Variants in UBAP1L observed in about 807,000 individuals in gnomAD.
UBAP1L encodes the protein ubiquitin-associated protein 1-like.
A neutral mutation model predicts 32.1 loss-of-function variants in UBAP1L; 32 were observed. The observed-to-expected ratio is 1.00, with a 90% CI of 0.75 to 1.34. UBAP1L has a LOEUF of 1.34. Ranked by LOEUF, UBAP1L falls within the 40% of genes most tolerant of loss-of-function variation. The probability of loss-of-function intolerance (pLI) is 0.00; values close to 1 mark genes in which losing one functional copy is unlikely to be tolerated. For synonymous variants in UBAP1L, 243 were observed against 250.2 expected, an observed-to-expected ratio of 0.97 and a Z score of 0.27; for missense variants, 516 against 540.5, an observed-to-expected ratio of 0.95 and a Z score of 0.45.
chr15:65,102,007 G>A lies in UBAP1L; in HGVS notation c.699+99C>T, dbSNP rs1011913345. 36 of 436,324 alleles carry A rather than the reference G, an allele frequency of 8.3e-5. No homozygotes were observed. The highest frequency in any genetic ancestry group is 7.1e-4 in the African/African-American group (34 of 47,736). 27.0% of individuals were successfully genotyped at this position (436,324 alleles called of 1,614,324 possible). A position where few individuals can be genotyped will look rare whatever the true frequency, so the allele number is the denominator to read the frequency against. On this transcript the variant is annotated intron_variant, in intron 3 of 5. Transcript: ENST00000559089. This position sits in a 1 kb window ranked among gnomAD's most constrained non-coding sequence, Gnocchi z 5.0. ...AGGTCAAGGGAGGATGCAGGAGCGC[G>A]TGGAGTAGGGGACCGAGGCTGCGGG... is the stretch of plus-strand genomic sequence containing the variant.
intron 2 of UBAP1L, chr15:65,105,391 A>T (rs1387879822): frequency 3.5e-6 from 1 of 285,764 alleles, no homozygotes; most frequent in African/African-American, 2.2e-5. Flanking sequence ...AGGTGGGAGG[A>T]TCGCTTGAGC....
At position 65,106,145 on chromosome 15, in the gene UBAP1L, C is replaced by T; in HGVS notation, c.71G>A (p.Gly24Glu). The T allele has an allele frequency of 8.4e-6, 13 of 1,550,924 alleles. No individual in the cohort carries two copies. The highest frequency in any genetic ancestry group is 1.1e-5 in the Non-Finnish European group (13 of 1,146,792). Residue 24 changes from glycine (G) to glutamate (E), a missense_variant, in exon 2 of 6, where the codon GGG (glycine) becomes GAG (glutamate). Gly to Glu is a moderately conservative substitution (Grantham distance 98). Coordinates refer to ENST00000559089, the MANE Select transcript of UBAP1L (RefSeq NM_001163692.2). Reference sequence around the variant, plus strand: ...GCAGGCCGGGACGCTGAGTTCTGGCCCAGGGAGAGGCTCTGTGCCTATCAC... The same window carrying T: ...GCAGGCCGGGACGCTGAGTTCTGGCTCAGGGAGAGGCTCTGTGCCTATCAC... Reference protein sequence around the residue: ...GFVIGTEPLPGPELSVPACGE... With the variant: ...GFVIGTEPLPEPELSVPACGE...
intron 1 of UBAP1L, among the ~76,000 whole-genome samples, chr15:65,114,113 T>G (rs2087387067): frequency 6.6e-6 from 1 of 151,834 alleles, no homozygotes; most frequent in South Asian, 2.1e-4. Flanking sequence ...CTTGAACTCG[T>G]GACCTTGTGA....
chr15:65,113,149 T>C (rs1045484881), intron 1 of UBAP1L, among the ~76,000 whole-genome samples: 3 of 152,150 alleles, frequency 2.0e-5, no homozygotes, highest in Admixed American at 6.6e-5. Context: ...GGTGGGAGGA[T>C]TGCTGGAGCC....
At chr15:65,104,447 T>C (rs796457038) in intron 2 of UBAP1L, among the ~76,000 whole-genome samples, 1 of 152,100 alleles carries the variant, frequency 6.6e-6, no homozygotes, top group South Asian at 2.1e-4. Context: ...AGTTCAATAA[T>C]TAAAACTATG....
At chr15:65,093,593 G>A (rs2087141860) in intron 5 of UBAP1L, among the ~76,000 whole-genome samples, 1 of 152,330 alleles carries the variant, frequency 6.6e-6, no homozygotes, top group Admixed American at 6.5e-5. Flanking sequence ...CCTGAACACT[G>A]TGGAGGTATC....
At chr15:65,106,011 G>A in intron 2 of UBAP1L, 85 bp downstream of exon 2, 1 of 1,514,544 alleles carries the variant, frequency 6.6e-7, no homozygotes, top group Non-Finnish European at 8.9e-7. Context: ...AGGGCTAGCT[G>A]TCCTTTAAAT....
At position 65,106,384 on chromosome 15, in the gene UBAP1L, C is replaced by T; in HGVS notation, c.-169G>A. ...GCTGGAAAGGAAAAGGTGAGGGGGC[C>T]AGTGCTGCATAAAGGAAGGAAATGA... On this transcript the variant is annotated 5_prime_UTR_variant, in exon 2 of 6. Coordinates refer to ENST00000559089, the MANE Select transcript of UBAP1L (RefSeq NM_001163692.2). The T allele has an allele frequency of 3.0e-6, 2 of 655,990 alleles. No individual in the cohort carries two copies. Among genetic ancestry groups the T allele is most frequent in the Non-Finnish European group, 2.4e-6 (1 of 416,470 alleles). The allele number at this position is 655,990 out of a possible 1,614,324, so 40.6% of individuals were successfully genotyped here.
At chr15:65,114,016 A>G (rs1046398958) in intron 1 of UBAP1L, among the ~76,000 whole-genome samples, 2 of 151,876 alleles carry the variant, frequency 1.3e-5, no homozygotes, top group African/African-American at 4.8e-5. Flanking sequence ...CCTCCCGAGT[A>G]GCTGGGATTA....
At chr15:65,105,818 G>A in intron 2 of UBAP1L, 1 of 703,606 alleles carries the variant, frequency 1.4e-6, no homozygotes, top group Non-Finnish European at 2.6e-6. Context: ...TTGAGACGAA[G>A]TCTCACTCTG....
intron 4 of UBAP1L, chr15:65,097,952 G>A (rs933873881): frequency 2.0e-5 from 3 of 152,250 alleles, no homozygotes; most frequent in Non-Finnish European, 4.4e-5. Flanking sequence ...ATGGTGGTGG[G>A]GCAGGAACGG....
chr15:65,106,005 C>T, intron 2 of UBAP1L, 91 bp downstream of exon 2: 2 of 1,515,392 alleles, frequency 1.3e-6, no homozygotes, highest in Non-Finnish European at 1.8e-6. Context: ...TTGGCCAGGG[C>T]TAGCTGTCCT....
At chr15:65,095,464 C>T (rs1353036730) in intron 4 of UBAP1L, 1 of 152,284 alleles carries the variant, frequency 6.6e-6, no homozygotes, top group Non-Finnish European at 1.5e-5. Context: ...CAGTCTCATT[C>T]ACCACAGTGT....
At chr15:65,103,588 C>CA (rs1303419501) in intron 2 of UBAP1L, among the ~76,000 whole-genome samples, 1 of 152,196 alleles carries the variant, frequency 6.6e-6, no homozygotes, top group African/African-American at 2.4e-5. Context: ...CACAGACACT[C>CA]AGACACTTAG....
intron 4 of UBAP1L, chr15:65,098,205 CT>C (rs1294514163): frequency 6.6e-6 from 1 of 152,228 alleles, no homozygotes; most frequent in Non-Finnish European, 1.5e-5. Context: ...CCCCAATTCT[CT>C]TTTTCTCATC....
In UBAP1L at chr15:65,102,195, G is replaced by T; in HGVS notation, c.610C>A (p.Pro204Thr). The T allele has an allele frequency of 8.3e-7, 1 of 1,200,292 alleles. No homozygotes were observed. Among genetic ancestry groups the T allele is most frequent in the Non-Finnish European group, 1.0e-6 (1 of 967,778 alleles). The allele number at this position is 1,200,292 out of a possible 1,614,324, so 74.4% of individuals were successfully genotyped here. A position where few individuals can be genotyped will look rare whatever the true frequency, so the allele number is the denominator to read the frequency against. ...GACGCGGGGGCGGCGGGGTGCTGGG[G>T]CGCGGGCCCCGGGGGTGATGCAGAC... ...PRSASPPGPA[P>T]QHPAAPASPP... is the part of the protein sequence containing the mutation. Residue 204 changes from proline (P) to threonine (T), a missense_variant, in exon 3 of 6, where the codon CCC (proline) becomes ACC (threonine). Physicochemically the swap from Pro to Thr is conservative, Grantham distance 38. Transcript: ENST00000559089. The surrounding 1 kb of genome is among the most constrained non-coding windows in gnomAD (Gnocchi z 5.0).
rs1373002977 is a variant in UBAP1L, at chr15:65,102,640, G to A, written c.165C>T (p.Ala55=). ...LERTALFWVE[A]AGQGPSPYQC... ...GGTACGGGCTGGGTCCCTGGCCGGC[G>A]GCCTCCACCCAGAAGAGTGCCGTCC... The change falls in exon 3 of 6, where the codon GCC becomes GCT. Residue 55 remains alanine (A), a synonymous_variant. Transcript: ENST00000559089. This position sits in a 1 kb window ranked among gnomAD's most constrained non-coding sequence, Gnocchi z 5.0. 2 of 1,549,150 alleles carry A rather than the reference G, an allele frequency of 1.3e-6. No homozygotes were observed. The highest frequency in any genetic ancestry group is 1.4e-5 in the African/African-American group (1 of 73,120).
At chr15:65,099,750 C>T (rs770554995) in intron 3 of UBAP1L, 36 bp from the exon 4 acceptor site, 12 of 1,495,496 alleles carry the variant, frequency 8.0e-6, no homozygotes, top group East Asian at 2.5e-5. Context: ...TCAGTTACTA[C>T]AGGAAGTGAC....
Position 65,094,422 on chromosome 15 carries a change from G to A in UBAP1L, c.1011+53C>T. On this transcript the variant is annotated intron_variant, in intron 5 of 5. Coordinates refer to ENST00000559089, the MANE Select transcript of UBAP1L (RefSeq NM_001163692.2). The surrounding 1 kb of genome is among the most constrained non-coding windows in gnomAD (Gnocchi z 4.2). ...GTGGCCCTGCACACCGGGCTCCTGG[G>A]TACACCCCCATCCCTTCCATCCCCT... The A allele has an allele frequency of 7.3e-7, 1 of 1,376,650 alleles. No homozygotes were observed. The highest frequency in any genetic ancestry group is 1.3e-5 in the South Asian group (1 of 75,408). The allele number at this position is 1,376,650 out of a possible 1,614,324, so 85.3% of individuals were successfully genotyped here.
Sources: gnomAD v4.1 joint callset for allele counts (sites outside exome capture counted in the v4.1 genomes callset) on GRCh38, gnomAD v4.1.1 for gene constraint, Gnocchi (gnomAD v3.1) non-coding constraint, MANE v1.5 for transcripts, NCBI Gene and HGNC (gene_info 2026-07-23, HGNC 2026-07-21) for gene names.